The following ZNF681 variants were observed in gnomAD, a reference collection of about 807,000 sequenced individuals.
ZNF681 encodes the protein hypothetical protein FLJ31526.
In ZNF681, 37 loss-of-function variants were observed where a neutral mutation model predicts 56.0. That is an observed-to-expected ratio of 0.66 (90% CI 0.51 to 0.87). The LOEUF (loss-of-function observed/expected upper bound fraction) is 0.87, where lower values mean the gene tolerates loss of function less well. Among genes scored for constraint, ZNF681 ranks in the 40% least tolerant of loss-of-function variants. The pLI, the probability that ZNF681 is intolerant of heterozygous loss-of-function variation, is 0.00. For synonymous variants in ZNF681, 225 were observed against 248.6 expected, an observed-to-expected ratio of 0.91 and a Z score of 0.89; for missense variants, 741 against 744.9, an observed-to-expected ratio of 0.99 and a Z score of 0.06.
chr19:23,750,283 C>CAAAAAAAAAAA (rs74175768), intron 3 of ZNF681, among the ~76,000 whole-genome samples: 4 of 31,760 alleles, frequency 1.3e-4, no homozygotes, highest in Non-Finnish European at 1.1e-4. Context: ...GACTCCAACT[C>CAAAAAAAAAAA]AAAAAAAAAA....
chr19:23,748,681 T>C (rs911823006), intron 3 of ZNF681, among the ~76,000 whole-genome samples: 4 of 152,150 alleles, frequency 2.6e-5, no homozygotes, highest in African/African-American at 4.8e-5. Flanking sequence ...GCAGTTAATA[T>C]TGAGAATACA....
chr19:23,749,892 G>A (rs931388844), intron 3 of ZNF681, among the ~76,000 whole-genome samples: 2 of 151,316 alleles, frequency 1.3e-5, no homozygotes, highest in African/African-American at 4.9e-5. Flanking sequence ...CTCACACAGA[G>A]CAAATACATA....
chr19:23,753,433 A>T (rs1376285016), intron 3 of ZNF681, among the ~76,000 whole-genome samples: 13 of 152,424 alleles, frequency 8.5e-5, no homozygotes, highest in Non-Finnish European at 1.2e-4. Flanking sequence ...CATTAAAATA[A>T]ATTTCTGAGA....
rs200785901 is a variant in ZNF681, at chr19:23,745,365, C to T, written c.227-42G>A. On this transcript the variant is annotated intron_variant, in intron 3 of 3. Coordinates refer to ENST00000402377, the MANE Select transcript of ZNF681 (RefSeq NM_138286.3). ...TAACAAATGACTCCACTTGATAAGA[C>T]TCTAAATATACTTTACAAATCCAAC... 7.1e-5 allele frequency: 102 copies of T among 1,432,312 alleles called. No homozygotes were observed. In the African/African-American group the frequency reaches 1.4e-3, roughly 19 times the overall value. The allele number at this position is 1,432,312 out of a possible 1,614,324, so 88.7% of individuals were successfully genotyped here.
rs1968891595 is a variant in ZNF681 at position 23,743,101 on chromosome 19, C to G, written c.*511G>C. ...TTTAGTATGAACCCTCTAGTGTTTTCTAAGCTGTCGTTTTTGAAAAAATGT... is the reference window on the plus strand; with the variant it reads ...TTTAGTATGAACCCTCTAGTGTTTTGTAAGCTGTCGTTTTTGAAAAAATGT... On this transcript the variant is annotated 3_prime_UTR_variant, in exon 4 of 4. Coordinates refer to ENST00000402377, the MANE Select transcript of ZNF681 (RefSeq NM_138286.3). 1 of 152,184 alleles carries G rather than the reference C, an allele frequency of 6.6e-6. No individual in the cohort carries two copies. Among genetic ancestry groups the G allele is most frequent in the Non-Finnish European group, 1.5e-5 (1 of 68,042 alleles). The allele number at this position is 152,184 out of a possible 1,614,324, so 9.4% of individuals were successfully genotyped here. A position where few individuals can be genotyped will look rare whatever the true frequency, so the allele number is the denominator to read the frequency against.
intron 1 of ZNF681, 107 bp downstream of exon 1, chr19:23,758,640 T>C (rs374895972): frequency 3.2e-6 from 5 of 1,572,468 alleles, no homozygotes; most frequent in African/African-American, 1.4e-5. Context: ...TGAGGCCGCC[T>C]GGGCGAGGAG....
In ZNF681 at chr19:23,754,723, A is replaced by T. The variant is rs540640233; in HGVS notation, c.226+100T>A. The T allele has an allele frequency of 1.3e-4, 130 of 980,412 alleles. No homozygotes were observed. The South Asian group carries it at 1.8e-3, about 14-fold the overall frequency. The allele number at this position is 980,412 out of a possible 1,614,324, so 60.7% of individuals were successfully genotyped here. On this transcript the variant is annotated intron_variant, in intron 3 of 3. Transcript: ENST00000402377. ...GCTTTCCAGAAACTATTTCCTTTGG[A>T]ATACAGCTTCCCAAATCACATTATA...
chr19:23,752,210 T>A (rs371971554), intron 3 of ZNF681, among the ~76,000 whole-genome samples: 1 of 152,298 alleles, frequency 6.6e-6, no homozygotes, highest in African/African-American at 2.4e-5. Flanking sequence ...CTACCCAACT[T>A]GGTCTTACTG....
chr19:23,751,967 G>T (rs192534601), intron 3 of ZNF681, among the ~76,000 whole-genome samples: 1 of 152,182 alleles, frequency 6.6e-6, no homozygotes, highest in East Asian at 1.9e-4. Flanking sequence ...GATTACAGGC[G>T]TGAGCCACTG....
intron 3 of ZNF681, among the ~76,000 whole-genome samples, chr19:23,749,049 G>T (rs1968986189): frequency 1.3e-5 from 2 of 152,112 alleles, no homozygotes; most frequent in Admixed American, 1.3e-4. Context: ...TTTGAATATT[G>T]ATGTTTACTG....
Position 23,744,591 on chromosome 19 carries a change from T to G in ZNF681, c.959A>C (p.Asn320Thr). Reference sequence around the variant, plus strand: ...ATGTCTGGTAAGGTGTGAGGACTGGTTGAAAGCTTTGCCACATTCCTTATA... The same window carrying G: ...ATGTCTGGTAAGGTGTGAGGACTGGGTGAAAGCTTTGCCACATTCCTTATA... ...NEYKECGKAF[N>T]QSSHLTRHKI... The change falls in exon 4 of 4, where the codon AAC becomes ACC. Residue 320 changes from asparagine to threonine, a missense_variant. Transcript: ENST00000402377. 6.2e-7 allele frequency: 1 copy of G among 1,614,076 alleles called. No homozygotes were observed. The highest frequency in any genetic ancestry group is 8.5e-7 in the Non-Finnish European group (1 of 1,179,964).
intron 3 of ZNF681, among the ~76,000 whole-genome samples, chr19:23,748,602 A>C (rs1445062497): frequency 6.6e-6 from 1 of 152,138 alleles, no homozygotes; most frequent in Non-Finnish European, 1.5e-5. Flanking sequence ...CCTTCTTCCA[A>C]ATACACTCTT....
At chr19:23,755,304 T>A in intron 2 of ZNF681, 121 bp downstream of exon 2, 2 of 1,305,542 alleles carry the variant, frequency 1.5e-6, no homozygotes, top group Non-Finnish European at 2.1e-6. Flanking sequence ...CTAAGATTTT[T>A]ATAAAAACAG....
Position 23,754,808 on chromosome 19 carries a change from T to A in ZNF681, c.226+15A>T, listed in dbSNP as rs559183210. 1.2e-6 allele frequency: 2 copies of A among 1,607,336 alleles called. No individual in the cohort carries two copies. The highest frequency in any genetic ancestry group is 1.7e-6 in the Non-Finnish European group (2 of 1,174,064). ...ATCTATGTTATCTGTTGTATTCACT[T>A]TCACTCTCACCTACCTGGGGGTTCG... is the stretch of plus-strand genomic sequence containing the variant. On this transcript the variant is annotated intron_variant, in intron 3 of 3. Coordinates refer to ENST00000402377, the MANE Select transcript of ZNF681 (RefSeq NM_138286.3).
In ZNF681 at chr19:23,739,707, A is replaced by T. The variant is rs529494945; in HGVS notation, c.*3905T>A. 1.3e-5 allele frequency: 2 copies of T among 152,150 alleles called. No individual in the cohort carries two copies. The highest frequency in any genetic ancestry group is 4.8e-5 in the African/African-American group (2 of 41,448). 9.4% of individuals were successfully genotyped at this position (152,150 alleles called of 1,614,324 possible). A position where few individuals can be genotyped will look rare whatever the true frequency, so the allele number is the denominator to read the frequency against. On this transcript the variant is annotated 3_prime_UTR_variant, in exon 4 of 4. Transcript: ENST00000402377. ...CAAGTTTGCACGCAAAATAATAGAAAATGTTTTTATCTAAAAGCTGCCATG... is the reference window on the plus strand; with the variant it reads ...CAAGTTTGCACGCAAAATAATAGAATATGTTTTTATCTAAAAGCTGCCATG...
chr19:23,755,578 C>CAT, intron 1 of ZNF681, 27 bp from the exon 2 acceptor site: 3 of 1,437,624 alleles, frequency 2.1e-6, no homozygotes, highest in South Asian at 2.9e-5. Flanking sequence ...CACACACACA[C>CAT]ACACACACAC....
intron 3 of ZNF681, among the ~76,000 whole-genome samples, chr19:23,749,893 C>A (rs1371592158): frequency 6.6e-6 from 1 of 151,358 alleles, no homozygotes; most frequent in East Asian, 1.9e-4. Flanking sequence ...TCACACAGAG[C>A]AAATACATAT....
At chr19:23,757,773 G>A (rs191714498) in intron 1 of ZNF681, among the ~76,000 whole-genome samples, 1 of 152,138 alleles carries the variant, frequency 6.6e-6, no homozygotes, top group East Asian at 1.9e-4. Context: ...CAGAACTGGG[G>A]CAGGGAGTGG....
In ZNF681 at chr19:23,755,466, C is replaced by T. The variant is rs372629195; in HGVS notation, c.89G>A (p.Arg30Lys). ...TCTGTAGTTCTCTAACATCACATTCCTATATAAATTCTGCTGTATAGTGTC... is the reference window on the plus strand; with the variant it reads ...TCTGTAGTTCTCTAACATCACATTCTTATATAAATTCTGCTGTATAGTGTC... ...CLDTIQQNLY[R>K]NVMLENYRNL... Residue 30 changes from arginine to lysine, a missense_variant, in exon 2 of 4, where the codon AGG becomes AAG. By Grantham distance (26) the Arg-to-Lys change is conservative. Coordinates refer to ENST00000402377, the MANE Select transcript of ZNF681 (RefSeq NM_138286.3). 2.4e-5 allele frequency: 38 copies of T among 1,603,900 alleles called. No individual in the cohort carries two copies. The African/African-American group carries it at 4.4e-4, about 19-fold the overall frequency.
Sources: allele counts gnomAD v4.1 joint callset (sites outside exome capture counted in the v4.1 genomes callset), GRCh38; gene constraint gnomAD v4.1.1; transcripts MANE v1.5; gene names NCBI Gene and HGNC (gene_info 2026-07-23, HGNC 2026-07-21).